The following GPATCH2 variants were observed in gnomAD, a reference collection of about 807,000 sequenced individuals.
GPATCH2 encodes G patch domain-containing protein 2.
Under a neutral mutation model 58.0 loss-of-function variants are expected in GPATCH2, and 51 were observed. The ratio of observed to expected loss-of-function variants is 0.88; its 90% CI spans 0.70 to 1.11. The LOEUF (loss-of-function observed/expected upper bound fraction) is 1.11, where lower values mean the gene tolerates loss of function less well. GPATCH2 is among the 50% of genes most tolerant of loss of function. The pLI, the probability that GPATCH2 is intolerant of heterozygous loss-of-function variation, is 0.00. For missense variants in GPATCH2, 625 were observed against 652.2 expected (o/e 0.96, Z 0.45); for synonymous variants, 222 against 218.5 (o/e 1.02, Z -0.14).
chr1:217,613,036 TC>T (rs371414209), intron 3 of GPATCH2, among the ~76,000 whole-genome samples: 1 of 152,268 alleles, frequency 6.6e-6, no homozygotes, highest in East Asian at 1.9e-4. Flanking sequence ...TTACTTTTTT[TC>T]ATTTCATTTT....
intron 8 of GPATCH2, among the ~76,000 whole-genome samples, chr1:217,457,318 G>A (rs978445532): frequency 5.9e-5 from 9 of 152,278 alleles, no homozygotes; most frequent in Admixed American, 5.9e-4. Context: ...CTTTTTATCA[G>A]CCTTTGGCAT....
intron 6 of GPATCH2, among the ~76,000 whole-genome samples, chr1:217,511,826 T>C (rs1290503069): frequency 6.6e-6 from 1 of 151,434 alleles, no homozygotes; most frequent in African/African-American, 2.4e-5. Context: ...TCTGTGTGTG[T>C]GTGTGTGTGT....
chr1:217,482,793 A>G (rs1278480094), intron 8 of GPATCH2, among the ~76,000 whole-genome samples: 1 of 152,148 alleles, frequency 6.6e-6, no homozygotes, highest in Non-Finnish European at 1.5e-5. Flanking sequence ...ATACAATTTG[A>G]TAAGTTTTGA....
rs553212506 is a variant in GPATCH2 at position 217,433,714 on chromosome 1, A to G, written c.1367-2349T>C. 9.2e-5 allele frequency among the ~76,000 whole-genome samples: 14 copies of G among 152,288 alleles called. No individual in the cohort carries two copies. In the South Asian group the frequency reaches 2.9e-3, roughly 32 times the overall value. On this transcript the variant is annotated intron_variant, in intron 9 of 9. Transcript: ENST00000366935. ...CCCAAACTGTACATATACATTTTTA[A>G]GTGTATTCTTTGAACTATGTATTTC...
chr1:217,492,739 G>C (rs1188478449), intron 7 of GPATCH2: 1 of 152,098 alleles, frequency 6.6e-6, no homozygotes, highest in Non-Finnish European at 1.5e-5. Context: ...AAGCTACTGT[G>C]AGTATTAAGT....
At chr1:217,482,164 G>C (rs954340671) in intron 8 of GPATCH2, among the ~76,000 whole-genome samples, 5 of 152,124 alleles carry the variant, frequency 3.3e-5, no homozygotes, top group Admixed American at 1.3e-4. Context: ...CTTAATCAGT[G>C]TACTCTACTC....
At position 217,489,467 on chromosome 1, in the gene GPATCH2, C is replaced by T. The variant is rs1017629705; in HGVS notation, c.1277+2213G>A. Among the ~76,000 whole-genome samples the T allele has an allele frequency of 2.6e-5, 4 of 152,276 alleles. No homozygotes were observed. The East Asian group carries it at 5.8e-4, about 22-fold the overall frequency. ...ATTGGACTTTAACTATAATCGCCAA[C>T]CCTGCAAACTTAACACGCTATTGCT... On this transcript the variant is annotated intron_variant, in intron 8 of 9. Coordinates refer to ENST00000366935, the MANE Select transcript of GPATCH2 (RefSeq NM_018040.5).
chr1:217,524,762 T>G (rs1571860262), intron 5 of GPATCH2, among the ~76,000 whole-genome samples: 1 of 146,516 alleles, frequency 6.8e-6, no homozygotes, highest in Admixed American at 6.9e-5. Context: ...TCGGCAGGCT[T>G]AGGCAGGAGA....
chr1:217,617,212 C>T (rs1668928012), intron 2 of GPATCH2, among the ~76,000 whole-genome samples: 1 of 152,108 alleles, frequency 6.6e-6, no homozygotes, highest in Admixed American at 6.5e-5. Context: ...ACTTTATTGC[C>T]GGTAAAAACA....
At chr1:217,552,095 C>T (rs889972) in intron 5 of GPATCH2, among the ~76,000 whole-genome samples, 21,326 of 151,798 alleles carry the variant, frequency 0.14, 1,654 homozygotes, top group South Asian at 0.18. Flanking sequence ...TTGTGAAATA[C>T]GGGGAAAAAA....
chr1:217,454,579 ACT>A (rs1436060367), intron 8 of GPATCH2, among the ~76,000 whole-genome samples: 1 of 101,412 alleles, frequency 9.9e-6, no homozygotes, highest in African/African-American at 3.8e-5. Flanking sequence ...ACAGAGCGAG[ACT>A]CTGTCTCAAA....
intron 5 of GPATCH2, among the ~76,000 whole-genome samples, chr1:217,567,179 T>C (rs983875431): frequency 6.6e-6 from 1 of 151,894 alleles, no homozygotes; most frequent in African/African-American, 2.4e-5. Context: ...CCTGAGTAGC[T>C]GGGATTACAG....
At position 217,573,826 on chromosome 1, in the gene GPATCH2, T is replaced by C. The variant is rs1272132281; in HGVS notation, c.1098+36495A>G. Among the ~76,000 whole-genome samples the C allele has an allele frequency of 3.3e-5, 5 of 152,342 alleles. No individual in the cohort carries two copies. The East Asian group carries it at 9.6e-4, about 29-fold the overall frequency. ...TCAGTGTCAGAACTGCTAGATGTCCTTTTCAGAATCAACCTATCCTGGCCG... is the reference window on the plus strand; with the variant it reads ...TCAGTGTCAGAACTGCTAGATGTCCCTTTCAGAATCAACCTATCCTGGCCG... On this transcript the variant is annotated intron_variant, in intron 5 of 9. Transcript: ENST00000366935.
intron 5 of GPATCH2, among the ~76,000 whole-genome samples, chr1:217,523,164 T>G (rs1176109029): frequency 6.6e-6 from 1 of 151,598 alleles, no homozygotes; most frequent in Non-Finnish European, 1.5e-5. Context: ...GAAAAAAAAT[T>G]TCAGTTTTTT....
intron 5 of GPATCH2, among the ~76,000 whole-genome samples, chr1:217,562,744 A>G (rs1004530237): frequency 2.0e-5 from 3 of 152,210 alleles, no homozygotes; most frequent in Admixed American, 2.0e-4. Flanking sequence ...GTGATCCTGA[A>G]TAACTCACTT....
chr1:217,427,646 A>T lies in GPATCH2; in HGVS notation c.*3499T>A, dbSNP rs1346034462. ...TGCTAACAATTTCTTTACAATGCCA[A>T]CTTAGATCACTTTTCTTTTTGAAAG... On this transcript the variant is annotated 3_prime_UTR_variant, in exon 10 of 10. Coordinates refer to ENST00000366935, the MANE Select transcript of GPATCH2 (RefSeq NM_018040.5). 2 of 152,174 alleles carry T rather than the reference A, an allele frequency of 1.3e-5. No homozygotes were observed. The highest frequency in any genetic ancestry group is 4.8e-5 in the African/African-American group (2 of 41,466). 9.4% of individuals were successfully genotyped at this position (152,174 alleles called of 1,614,324 possible).
intron 7 of GPATCH2, among the ~76,000 whole-genome samples, chr1:217,493,587 A>G (rs779452819): frequency 6.6e-6 from 1 of 152,172 alleles, no homozygotes; most frequent in Non-Finnish European, 1.5e-5. Context: ...AGCTGAAGCC[A>G]TATCTCATTA....
At chr1:217,624,806 A>T (rs1669372482) in intron 1 of GPATCH2, among the ~76,000 whole-genome samples, 1 of 152,212 alleles carries the variant, frequency 6.6e-6, no homozygotes, top group African/African-American at 2.4e-5. Flanking sequence ...TATATTCATA[A>T]TTGTAAGAGC....
intron 7 of GPATCH2, among the ~76,000 whole-genome samples, chr1:217,493,948 C>A (rs10158608): frequency 0.14 from 20,670 of 151,528 alleles, 2,753 homozygotes; most frequent in African/African-American, 0.35. Flanking sequence ...AATCCCAAAC[C>A]AAATGTTATG....
Sources: allele counts gnomAD v4.1 joint callset (sites outside exome capture counted in the v4.1 genomes callset), GRCh38; gene constraint gnomAD v4.1.1; transcripts MANE v1.5; gene names NCBI Gene and HGNC (gene_info 2026-07-23, HGNC 2026-07-21).